SLC2A13: variants seen among roughly 807,000 people sequenced by gnomAD.
SLC2A13 encodes the protein solute carrier family 2 member 13.
Under a neutral mutation model 64.4 loss-of-function variants are expected in SLC2A13, and 32 were observed. That is an observed-to-expected ratio of 0.50 (90% CI 0.37 to 0.67). The LOEUF is 0.67. SLC2A13 is among the 30% of genes least tolerant of loss of function. The pLI is 0.00. For missense variants in SLC2A13, 743 were observed against 829.2 expected, an observed-to-expected ratio of 0.90 and a Z score of 1.28; for synonymous variants, 338 against 327.1, an observed-to-expected ratio of 1.03 and a Z score of -0.36.
intron 1 of SLC2A13, among the ~76,000 whole-genome samples, chr12:40,049,100 A>G (rs1317475223): frequency 6.6e-6 from 1 of 152,034 alleles, no homozygotes; most frequent in East Asian, 1.9e-4. Flanking sequence ...ATGTCTGATT[A>G]TTTAGCCTAT....
At chr12:40,102,170 G>A (rs368259709) in intron 1 of SLC2A13, among the ~76,000 whole-genome samples, 105 of 152,152 alleles carry the variant, frequency 6.9e-4, no homozygotes, top group South Asian at 2.3e-3. Flanking sequence ...TCTTTTAATT[G>A]CTTGTTTATG....
chr12:39,840,291 A>G (rs1011213922), intron 6 of SLC2A13, among the ~76,000 whole-genome samples: 5 of 152,010 alleles, frequency 3.3e-5, no homozygotes, highest in African/African-American at 1.2e-4. Flanking sequence ...GCCATCTCTC[A>G]GCTGGGCTCT....
intron 1 of SLC2A13, among the ~76,000 whole-genome samples, chr12:40,056,373 A>G (rs1948333703): frequency 6.6e-6 from 1 of 152,218 alleles, no homozygotes; most frequent in African/African-American, 2.4e-5. Flanking sequence ...GCAAAATAAG[A>G]AATTGATATT....
intron 1 of SLC2A13, among the ~76,000 whole-genome samples, chr12:40,080,547 T>C (rs1034981047): frequency 1.3e-5 from 2 of 152,120 alleles, no homozygotes; most frequent in African/African-American, 4.8e-5. Flanking sequence ...TGTGCCACTA[T>C]GCCTGGCTAT....
At chr12:40,098,021 G>GTATA (rs551050435) in intron 1 of SLC2A13, among the ~76,000 whole-genome samples, 77 of 150,336 alleles carry the variant, frequency 5.1e-4, no homozygotes, top group African/African-American at 1.6e-3. Flanking sequence ...CTATATATGT[G>GTATA]TATATGTATG....
At chr12:39,787,039 C>T (rs1225714411) in intron 7 of SLC2A13, among the ~76,000 whole-genome samples, 1 of 151,950 alleles carries the variant, frequency 6.6e-6, no homozygotes, top group Non-Finnish European at 1.5e-5. Context: ...TGTAGTAAAA[C>T]AAGGCAGTCT....
chr12:40,004,990 T>C (rs898222945), intron 3 of SLC2A13, among the ~76,000 whole-genome samples: 2 of 152,154 alleles, frequency 1.3e-5, no homozygotes, highest in Non-Finnish European at 1.5e-5. Flanking sequence ...GGTCTTGCTG[T>C]GTCAGAGGTG....
chr12:39,883,467 A>G (rs959202562), intron 4 of SLC2A13, among the ~76,000 whole-genome samples: 1 of 152,176 alleles, frequency 6.6e-6, no homozygotes, highest in Non-Finnish European at 1.5e-5. Context: ...TTGTCTCCAA[A>G]GTTCCAAGTT....
intron 7 of SLC2A13, among the ~76,000 whole-genome samples, chr12:39,816,310 C>T (rs73092139): frequency 8.6e-5 from 13 of 151,268 alleles, no homozygotes; most frequent in East Asian, 5.9e-4. Context: ...GATGAAAGGC[C>T]GTAGGTTGGG....
intron 2 of SLC2A13, among the ~76,000 whole-genome samples, chr12:40,032,575 A>T (rs1170506552): frequency 1.3e-5 from 2 of 152,194 alleles, no homozygotes; most frequent in African/African-American, 2.4e-5. Flanking sequence ...AGCCTTCTCA[A>T]TTCCAGAGAT....
chr12:39,912,400 G>A (rs1945446331), intron 4 of SLC2A13, among the ~76,000 whole-genome samples: 1 of 151,984 alleles, frequency 6.6e-6, no homozygotes, highest in Admixed American at 6.6e-5. Context: ...CCAAATCCCA[G>A]AGATACTACA....
intron 3 of SLC2A13, among the ~76,000 whole-genome samples, chr12:40,025,132 G>T (rs528977640): frequency 6.6e-6 from 1 of 152,304 alleles, no homozygotes; most frequent in East Asian, 1.9e-4. Context: ...ACAAGACATT[G>T]GATGTCATGC....
intron 2 of SLC2A13, among the ~76,000 whole-genome samples, chr12:40,032,409 A>G (rs1426162190): frequency 1.3e-5 from 2 of 152,190 alleles, no homozygotes; most frequent in Non-Finnish European, 2.9e-5. Context: ...AATTTTCTAA[A>G]CTTACAGTTA....
At chr12:40,042,959 G>GAAAAAAAAAAAAAAAAACAAAAAAAAA (rs1948112753) in intron 2 of SLC2A13, among the ~76,000 whole-genome samples, 1 of 111,462 alleles carries the variant, frequency 9.0e-6, no homozygotes. Context: ...GCATAAGAAT[G>GAAAAAAAAAAAAAAAAACAAAAAAAAA]AAAAAAAAAA....
intron 7 of SLC2A13, among the ~76,000 whole-genome samples, chr12:39,791,066 T>A (rs1348993497): frequency 1.4e-5 from 2 of 142,830 alleles, no homozygotes; most frequent in South Asian, 4.7e-4. Context: ...TTGATGGGGT[T>A]GTTTGTTTTT....
At chr12:40,073,550 T>C (rs1327816313) in intron 1 of SLC2A13, among the ~76,000 whole-genome samples, 1 of 152,110 alleles carries the variant, frequency 6.6e-6, no homozygotes, top group Non-Finnish European at 1.5e-5. Context: ...TGACATATCA[T>C]TTTTTACATT....
At chr12:39,896,077 C>A (rs1186888047) in intron 4 of SLC2A13, among the ~76,000 whole-genome samples, 1 of 14,240 alleles carries the variant, frequency 7.0e-5, no homozygotes, top group African/African-American at 2.0e-4. Context: ...TATGTATACA[C>A]GTGTACATAT....
chr12:39,872,914 T>A (rs1371906444), intron 4 of SLC2A13, among the ~76,000 whole-genome samples: 2 of 152,226 alleles, frequency 1.3e-5, no homozygotes, highest in African/African-American at 2.4e-5. Flanking sequence ...ACAGTGGTCA[T>A]CCAAGCAATA....
At chr12:39,899,475 T>C (rs1945024915) in intron 4 of SLC2A13, among the ~76,000 whole-genome samples, 1 of 152,172 alleles carries the variant, frequency 6.6e-6, no homozygotes, top group African/African-American at 2.4e-5. Flanking sequence ...TGTGTCTCTA[T>C]TTCCTTCAGT....
Sources: allele counts gnomAD v4.1 joint callset (sites outside exome capture counted in the v4.1 genomes callset), GRCh38; gene constraint gnomAD v4.1.1; transcripts MANE v1.5; gene names NCBI Gene and HGNC (gene_info 2026-07-23, HGNC 2026-07-21).